Variants in TARBP1 observed in about 807,000 individuals in gnomAD.
TARBP1 encodes the protein tRNA guanosine 2 -O-methyltransferase TARBP1, also known as tRNA (guanosine(18)-2'-O)-methyltransferase TARBP1.
In TARBP1, 144 loss-of-function variants were observed where a neutral mutation model predicts 178.6. The observed-to-expected ratio is 0.81, with a 90% confidence interval of 0.70 to 0.93. The LOEUF is 0.93. TARBP1 is among the 40% of genes least tolerant of loss of function. The pLI is 0.00. For synonymous variants in TARBP1, 787 were observed against 781.0 expected (o/e 1.01, Z -0.13); for missense variants, 2,067 against 2,011.7 (o/e 1.03, Z -0.53).
At chr1:234,427,254 C>T (rs1663878943) in intron 19 of TARBP1, 63 bp downstream of exon 19, 6 of 1,141,652 alleles carry the variant, frequency 5.3e-6, no homozygotes, top group Non-Finnish European at 6.5e-6. Flanking sequence ...GAATGTTTGT[C>T]ATATGATGTT....
intron 22 of TARBP1, among the ~76,000 whole-genome samples, chr1:234,414,841 G>A (rs938547845): frequency 1.4e-4 from 21 of 152,002 alleles, no homozygotes; most frequent in African/African-American, 4.4e-4. Flanking sequence ...AAAATTAGCC[G>A]GGCATGGTGG....
intron 17 of TARBP1, 69 bp downstream of exon 17, chr1:234,429,067 C>T: frequency 7.2e-7 from 1 of 1,386,298 alleles, no homozygotes; most frequent in Non-Finnish European, 9.6e-7. Context: ...GAATACAACT[C>T]TCATGTTCCT....
chr1:234,445,001 C>A (rs1170897906), intron 12 of TARBP1, among the ~76,000 whole-genome samples: 1 of 152,196 alleles, frequency 6.6e-6, no homozygotes, highest in African/African-American at 2.4e-5. Flanking sequence ...TGCTGCTCTA[C>A]ATAAAAAACT....
At chr1:234,421,521 C>CCG (rs1346312121) in intron 20 of TARBP1, among the ~76,000 whole-genome samples, 6 of 152,060 alleles carry the variant, frequency 3.9e-5, no homozygotes, top group Non-Finnish European at 8.8e-5. Context: ...ACCTTGTGCC[C>CCG]CCGTGTCATA....
In TARBP1 at chr1:234,478,314, G is replaced by A. The variant is rs554398742; in HGVS notation, c.790C>T (p.Arg264Cys). ...CCCGCCTGCACCGTCCTCCAGAAGC[G>A]CCAGCAGCGCCGGGCGTCCGGGCCC... The part of the protein sequence containing the change: ...EAGPDARRCW[R>C]FWRTVQAGLG... Residue 264 changes from arginine (R) to cysteine (C), a missense_variant, in exon 1 of 30, where the codon CGC becomes TGC. Transcript: ENST00000040877. 193 of 1,427,494 alleles carry A rather than the reference G, an allele frequency of 1.4e-4. No homozygotes were observed. Among genetic ancestry groups the A allele is most frequent in the Admixed American group, 2.7e-4 (10 of 37,672 alleles). The allele number at this position is 1,427,494 out of a possible 1,614,324, so 88.4% of individuals were successfully genotyped here.
chr1:234,448,260 T>G (rs550295587), intron 11 of TARBP1, among the ~76,000 whole-genome samples: 1 of 152,342 alleles, frequency 6.6e-6, no homozygotes, highest in South Asian at 2.1e-4. Flanking sequence ...ATTAAATTGT[T>G]AAGTTTAACA....
At chr1:234,458,872 C>T (rs1667558927) in intron 8 of TARBP1, among the ~76,000 whole-genome samples, 4 of 152,276 alleles carry the variant, frequency 2.6e-5, no homozygotes, top group East Asian at 1.9e-4. Flanking sequence ...CTCAGTGCCT[C>T]GGGCTTTTCC....
At chr1:234,407,150 T>A (rs1049125272) in intron 23 of TARBP1, 1 of 152,246 alleles carries the variant, frequency 6.6e-6, no homozygotes, top group African/African-American at 2.4e-5. Context: ...CACTGGTTTT[T>A]GTCCACAATT....
intron 21 of TARBP1, among the ~76,000 whole-genome samples, chr1:234,419,135 T>C (rs1317119533): frequency 3.3e-5 from 5 of 151,866 alleles, no homozygotes; most frequent in Non-Finnish European, 5.9e-5. Flanking sequence ...ATCGTGCCAC[T>C]GCACTCCAGC....
chr1:234,418,034 T>C, intron 22 of TARBP1, 50 bp downstream of exon 22: 2 of 1,108,286 alleles, frequency 1.8e-6, no homozygotes, highest in Admixed American at 7.6e-5. Context: ...CCCAGCATTG[T>C]CAAAATCATG....
At chr1:234,455,531 C>T (rs973496170) in intron 9 of TARBP1, among the ~76,000 whole-genome samples, 5 of 152,146 alleles carry the variant, frequency 3.3e-5, no homozygotes, top group African/African-American at 9.7e-5. Flanking sequence ...GGGTCTTTGC[C>T]TACTGAGATA....
intron 9 of TARBP1, among the ~76,000 whole-genome samples, chr1:234,450,818 A>ATG (rs1290032589): frequency 4.0e-5 from 6 of 151,662 alleles, no homozygotes; most frequent in East Asian, 1.9e-4. Flanking sequence ...ATATACACAT[A>ATG]TGTGTGTGTG....
At chr1:234,410,403 CT>C in intron 23 of TARBP1, 41 bp downstream of exon 23, 5 of 1,224,176 alleles carry the variant, frequency 4.1e-6, no homozygotes, top group Middle Eastern at 2.1e-4. Context: ...ACATACAATT[CT>C]TTTTTTACAG....
At chr1:234,421,670 GTAACAGA>G (rs1663111973) in intron 20 of TARBP1, among the ~76,000 whole-genome samples, 1 of 152,238 alleles carries the variant, frequency 6.6e-6, no homozygotes, top group Non-Finnish European at 1.5e-5. Context: ...GCCTTTCCTA[GTAACAGA>G]TAGCTCTCTC....
intron 9 of TARBP1, among the ~76,000 whole-genome samples, chr1:234,452,877 TAA>T (rs34827804): frequency 7.0e-6 from 1 of 143,454 alleles, no homozygotes; most frequent in Non-Finnish European, 1.5e-5. Context: ...TAGTAAGCAC[TAA>T]AAAAAAAAAA....
chr1:234,450,777 T>C (rs1666670083), intron 9 of TARBP1, among the ~76,000 whole-genome samples: 1 of 75,814 alleles, frequency 1.3e-5, no homozygotes. Context: ...CGTATATGTA[T>C]GTGTGATATA....
Position 234,478,953 on chromosome 1 carries a change from T to C in TARBP1, c.151A>G (p.Ser51Gly). Residue 51 changes from serine to glycine, a missense_variant, in exon 1 of 30, where the codon AGC becomes GGC. Ser to Gly is a moderately conservative substitution (Grantham distance 56). Transcript: ENST00000040877. The part of the protein sequence containing the change: ...QRLEDEEARG[S>G]GGAGALPEAA... ...TCCGGGAGCGCGCCTGCGCCCCCGC[T>C]GCCGCGCGCCTCCTCGTCCTCGAGC... 1 of 1,458,198 alleles carries C rather than the reference T, an allele frequency of 6.9e-7. No homozygotes were observed. The highest frequency in any genetic ancestry group is 9.0e-7 in the Non-Finnish European group (1 of 1,113,994). The allele number at this position is 1,458,198 out of a possible 1,614,324, so 90.3% of individuals were successfully genotyped here. A position where few individuals can be genotyped will look rare whatever the true frequency, so the allele number is the denominator to read the frequency against.
chr1:234,423,477 C>T (rs1210832375), intron 20 of TARBP1, among the ~76,000 whole-genome samples: 1 of 152,212 alleles, frequency 6.6e-6, no homozygotes, highest in Non-Finnish European at 1.5e-5. Flanking sequence ...CTAAGAGACT[C>T]TATACTCACT....
intron 22 of TARBP1, among the ~76,000 whole-genome samples, chr1:234,416,859 T>C (rs1662482202): frequency 6.6e-6 from 1 of 152,122 alleles, no homozygotes; most frequent in African/African-American, 2.4e-5. Context: ...TGCAGGTGGC[T>C]GGAGAAGCAG....
Sources: allele counts gnomAD v4.1 joint callset (sites outside exome capture counted in the v4.1 genomes callset), GRCh38; gene constraint gnomAD v4.1.1; transcripts MANE v1.5; gene names NCBI Gene and HGNC (gene_info 2026-07-23, HGNC 2026-07-21).